The following PPARGC1A variants were observed in gnomAD, a reference collection of about 807,000 sequenced individuals.
PPARGC1A encodes peroxisome proliferator-activated receptor gamma coactivator 1-alpha.
Under a neutral mutation model 88.7 loss-of-function variants are expected in PPARGC1A, and 25 were observed. That is an observed-to-expected ratio of 0.28 (90% CI 0.21 to 0.39). The LOEUF (loss-of-function observed/expected upper bound fraction) is 0.39. PPARGC1A is among the 10% of genes least tolerant of loss of function. The probability of loss-of-function intolerance (pLI) is 1.00; values close to 1 mark genes in which losing one functional copy is unlikely to be tolerated. For missense variants in PPARGC1A, 880 were observed against 968.7 expected, an observed-to-expected ratio of 0.91 and a Z score of 1.22; for synonymous variants, 363 against 355.6, an observed-to-expected ratio of 1.02 and a Z score of -0.24.
chr4:24,062,366 A>G, the PPARGC1A span, among the ~76,000 whole-genome samples: 1 of 152,210 alleles, frequency 6.6e-6, no homozygotes, highest in Admixed American at 6.5e-5. Flanking sequence ...CCGTAAATGA[A>G]CCAGGTGGTC....
At chr4:24,321,838 A>G in the PPARGC1A span, among the ~76,000 whole-genome samples, 1 of 152,238 alleles carries the variant, frequency 6.6e-6, no homozygotes, top group Non-Finnish European at 1.5e-5. Context: ...AACAGACAAC[A>G]ACTCAGCAGG....
chr4:24,112,190 TA>T, the PPARGC1A span, among the ~76,000 whole-genome samples: 2 of 152,148 alleles, frequency 1.3e-5, no homozygotes, highest in Non-Finnish European at 2.9e-5. Context: ...CCAAGGAATA[TA>T]AATGACTCAA....
At chr4:24,162,374 A>T in the PPARGC1A span, among the ~76,000 whole-genome samples, 1 of 152,146 alleles carries the variant, frequency 6.6e-6, no homozygotes, top group Admixed American at 6.5e-5. Context: ...AAATAAAAAT[A>T]AAATAAAATA....
the PPARGC1A span, among the ~76,000 whole-genome samples, chr4:23,999,281 G>A: frequency 6.6e-6 from 1 of 152,192 alleles, no homozygotes; most frequent in African/African-American, 2.4e-5. Flanking sequence ...TATCTAAGGA[G>A]TCTCTCCCCC....
the PPARGC1A span, among the ~76,000 whole-genome samples, chr4:23,940,675 G>A: frequency 6.6e-5 from 10 of 152,042 alleles, no homozygotes; most frequent in South Asian, 4.1e-4. Flanking sequence ...AGAAGAAAAC[G>A]AAAAATTCAA....
chr4:24,466,752 T>C, the PPARGC1A span, among the ~76,000 whole-genome samples: 1 of 151,450 alleles, frequency 6.6e-6, no homozygotes, highest in East Asian at 1.9e-4. Flanking sequence ...TCATCTCTAC[T>C]AAAATACAAA....
At chr4:24,040,339 C>T in the PPARGC1A span, among the ~76,000 whole-genome samples, 4 of 152,218 alleles carry the variant, frequency 2.6e-5, no homozygotes, top group East Asian at 7.7e-4. Context: ...GACCTCCATT[C>T]TGTCTCTTGA....
the PPARGC1A span, among the ~76,000 whole-genome samples, chr4:24,400,443 C>A: frequency 2.0e-5 from 3 of 152,196 alleles, no homozygotes; most frequent in Non-Finnish European, 2.9e-5. Flanking sequence ...AGTTTTGGGA[C>A]TCAGACTGGC....
At chr4:23,985,843 C>G in the PPARGC1A span, among the ~76,000 whole-genome samples, 1 of 151,964 alleles carries the variant, frequency 6.6e-6, no homozygotes, top group South Asian at 2.1e-4. Flanking sequence ...ACATCATACC[C>G]TACCCAGTTT....
chr4:24,359,180 C>A, the PPARGC1A span, among the ~76,000 whole-genome samples: 2 of 152,164 alleles, frequency 1.3e-5, no homozygotes, highest in Non-Finnish European at 2.9e-5. Context: ...CTGATCTCTG[C>A]GAGTTTAGAG....
At chr4:24,230,845 G>A in the PPARGC1A span, among the ~76,000 whole-genome samples, 1 of 151,880 alleles carries the variant, frequency 6.6e-6, no homozygotes, top group Non-Finnish European at 1.5e-5. Context: ...GTAGAAAATG[G>A]CGACTGGAAG....
At chr4:24,317,705 C>T in the PPARGC1A span, among the ~76,000 whole-genome samples, 1 of 150,722 alleles carries the variant, frequency 6.6e-6, no homozygotes, top group Non-Finnish European at 1.5e-5. Context: ...CACTTCAGAG[C>T]TGTGGCTGCT....
the PPARGC1A span, among the ~76,000 whole-genome samples, chr4:24,296,416 G>A: frequency 6.6e-6 from 1 of 152,024 alleles, no homozygotes; most frequent in African/African-American, 2.4e-5. Context: ...CCTATTTTAT[G>A]TTGCAACCCT....
intron 2 of PPARGC1A, among the ~76,000 whole-genome samples, chr4:23,849,354 T>C (rs559015545): frequency 1.3e-5 from 2 of 152,354 alleles, no homozygotes; most frequent in African/African-American, 4.8e-5. Context: ...CCATGTGAAC[T>C]TAATCTGTTA....
intron 2 of PPARGC1A, among the ~76,000 whole-genome samples, chr4:23,856,735 A>T (rs78340707): frequency 0.055 from 8,425 of 152,170 alleles, 335 homozygotes; most frequent in African/African-American, 0.11. Flanking sequence ...CCCTCATGGA[A>T]TTTACCTTTG....
the PPARGC1A span, among the ~76,000 whole-genome samples, chr4:24,301,112 A>G: frequency 4.6e-5 from 7 of 152,186 alleles, no homozygotes; most frequent in African/African-American, 1.4e-4. Flanking sequence ...GCATGTATAA[A>G]GGATACCATA....
chr4:24,103,092 G>T, the PPARGC1A span, among the ~76,000 whole-genome samples: 4 of 152,084 alleles, frequency 2.6e-5, no homozygotes, highest in Admixed American at 2.6e-4. Context: ...CACCCCATGC[G>T]CTTCAATGTT....
At chr4:24,203,960 T>C in the PPARGC1A span, among the ~76,000 whole-genome samples, 19 of 152,344 alleles carry the variant, frequency 1.2e-4, no homozygotes, top group Admixed American at 1.2e-3. Flanking sequence ...GAAATACATG[T>C]TTAAGGGATT....
At chr4:24,186,170 C>A in the PPARGC1A span, among the ~76,000 whole-genome samples, 1 of 151,674 alleles carries the variant, frequency 6.6e-6, no homozygotes, top group South Asian at 2.1e-4. Flanking sequence ...AGAGGGTGGG[C>A]AAAAGAAGAG....
Sources: allele counts gnomAD v4.1 joint callset (sites outside exome capture counted in the v4.1 genomes callset), GRCh38; gene constraint gnomAD v4.1.1; transcripts MANE v1.5; gene names NCBI Gene and HGNC (gene_info 2026-07-23, HGNC 2026-07-21).